FRS2: variants seen among roughly 807,000 people sequenced by gnomAD.
The protein encoded by FRS2 is FGFR signalling adaptor.
A neutral mutation model predicts 43.9 loss-of-function variants in FRS2; 8 were observed. The ratio of observed to expected loss-of-function variants is 0.18; its 90% CI spans 0.11 to 0.33. The LOEUF (loss-of-function observed/expected upper bound fraction) is 0.33, where lower values mean the gene tolerates loss of function less well. FRS2 is among the 10% of genes least tolerant of loss of function. FRS2 has a pLI of 1.00. For synonymous variants in FRS2, 219 were observed against 220.3 expected (o/e 0.99, Z 0.05); for missense variants, 534 against 627.6 (o/e 0.85, Z 1.59).
At chr12:69,556,966 G>A (rs962611353) in intron 3 of FRS2, among the ~76,000 whole-genome samples, 2 of 152,158 alleles carry the variant, frequency 1.3e-5, no homozygotes, top group African/African-American at 4.8e-5. Flanking sequence ...AAACATGAGT[G>A]TAATAGAAAA....
At chr12:69,521,237 T>G (rs1195714254) in intron 1 of FRS2, among the ~76,000 whole-genome samples, 6 of 152,210 alleles carry the variant, frequency 3.9e-5, no homozygotes, top group Non-Finnish European at 8.8e-5. Flanking sequence ...TGCTAGTGAT[T>G]TTAGTACATT....
intron 6 of FRS2, among the ~76,000 whole-genome samples, chr12:69,570,877 C>A (rs184872187): frequency 2.0e-5 from 3 of 152,276 alleles, no homozygotes; most frequent in Admixed American, 2.0e-4. Context: ...AATGGTAATA[C>A]CTATCTTTTA....
At chr12:69,501,222 C>G (rs551687131) in intron 1 of FRS2, among the ~76,000 whole-genome samples, 16 of 151,956 alleles carry the variant, frequency 1.1e-4, no homozygotes, top group African/African-American at 3.1e-4. Context: ...ACAACCTCCC[C>G]CCTCCCCCTT....
intron 1 of FRS2, among the ~76,000 whole-genome samples, chr12:69,497,246 A>G (rs1328426133): frequency 6.6e-6 from 1 of 152,220 alleles, no homozygotes; most frequent in Non-Finnish European, 1.5e-5. Context: ...GAGTTGGTGA[A>G]AGGGTTGGAA....
At chr12:69,568,252 T>G (rs1880456662) in intron 4 of FRS2, among the ~76,000 whole-genome samples, 1 of 152,238 alleles carries the variant, frequency 6.6e-6, no homozygotes, top group South Asian at 2.1e-4. Context: ...TGTCTTTCTC[T>G]CTTACCAATG....
At chr12:69,482,049 T>C (rs969564777) in intron 1 of FRS2, among the ~76,000 whole-genome samples, 19 of 151,774 alleles carry the variant, frequency 1.3e-4, no homozygotes, top group Admixed American at 4.6e-4. Flanking sequence ...TACCTTATAT[T>C]TGTATAGTGC....
chr12:69,507,883 G>T (rs892510356), intron 1 of FRS2, among the ~76,000 whole-genome samples: 6 of 151,964 alleles, frequency 3.9e-5, no homozygotes, highest in African/African-American at 7.2e-5. Flanking sequence ...AATTAACAGG[G>T]TGTGGTGGCA....
chr12:69,477,992 C>A (rs1222264852), intron 1 of FRS2, among the ~76,000 whole-genome samples: 1 of 151,900 alleles, frequency 6.6e-6, no homozygotes, highest in Admixed American at 6.6e-5. Context: ...CCGCCCACCT[C>A]GGCCTCCCAA....
intron 1 of FRS2, among the ~76,000 whole-genome samples, chr12:69,487,404 C>T (rs958131173): frequency 2.0e-5 from 3 of 152,210 alleles, no homozygotes; most frequent in African/African-American, 7.2e-5. Context: ...TAAATCTACT[C>T]TGTGCTTTAT....
At chr12:69,519,736 A>G (rs1875439227) in intron 1 of FRS2, among the ~76,000 whole-genome samples, 1 of 152,154 alleles carries the variant, frequency 6.6e-6, no homozygotes, top group Non-Finnish European at 1.5e-5. Flanking sequence ...AAAGGACATG[A>G]TCTTGTTCTT....
chr12:69,484,964 T>G lies in FRS2; in HGVS notation c.-261+14434T>G, dbSNP rs117629677. Among the ~76,000 whole-genome samples the G allele has an allele frequency of 1.5e-3, 235 of 152,092 alleles. 2 individuals carry two copies. The East Asian group carries it at 0.023, about 15-fold the overall frequency. ...GGTAACAACAGAAGACATCAAAACC[T>G]GCCAGGCATGGTGACATGCACCTGT... On this transcript the variant is annotated intron_variant, in intron 1 of 8. Coordinates refer to ENST00000549921, the MANE Select transcript of FRS2 (RefSeq NM_001278356.2).
At chr12:69,496,148 G>A (rs952452176) in intron 1 of FRS2, among the ~76,000 whole-genome samples, 4 of 152,046 alleles carry the variant, frequency 2.6e-5, no homozygotes, top group African/African-American at 9.7e-5. Context: ...CTTAAAGCTT[G>A]TAGTCTGGCC....
chr12:69,526,955 C>G (rs2135641942), intron 1 of FRS2, among the ~76,000 whole-genome samples: 1 of 152,238 alleles, frequency 6.6e-6, no homozygotes, highest in East Asian at 1.9e-4. Context: ...GATCTCCTGA[C>G]CTCGTGATCC....
Position 69,575,371 on chromosome 12 carries a change from A to G in FRS2, c.*416A>G, listed in dbSNP as rs1881120418. 6.1e-6 allele frequency: 1 copy of G among 163,322 alleles called. No homozygotes were observed. Among genetic ancestry groups the G allele is most frequent in the South Asian group, 1.8e-4 (1 of 5,420 alleles). 10.1% of individuals were successfully genotyped at this position (163,322 alleles called of 1,614,324 possible). A position where few individuals can be genotyped will look rare whatever the true frequency, so the allele number is the denominator to read the frequency against. On this transcript the variant is annotated 3_prime_UTR_variant, in exon 9 of 9. Transcript: ENST00000549921. ...CTTTGAAAGTAATGCTCGTAGATTC[A>G]GTGTTCACAGTATGTGGCCTCCAGC...
intron 3 of FRS2, among the ~76,000 whole-genome samples, chr12:69,546,412 C>T (rs1878414194): frequency 6.6e-6 from 1 of 151,998 alleles, no homozygotes; most frequent in Non-Finnish European, 1.5e-5. Context: ...TGTGCACCAC[C>T]ACACCTGGCT....
chr12:69,524,820 G>A (rs1876039499), intron 1 of FRS2, among the ~76,000 whole-genome samples: 3 of 152,114 alleles, frequency 2.0e-5, no homozygotes, highest in South Asian at 4.1e-4. Flanking sequence ...AAGTGTCCAT[G>A]GTGGCAGAGG....
chr12:69,472,615 G>A (rs1043266486), intron 1 of FRS2, among the ~76,000 whole-genome samples: 2 of 152,136 alleles, frequency 1.3e-5, no homozygotes, highest in Non-Finnish European at 2.9e-5. Context: ...ATCAGATACT[G>A]ATTGTATTTT....
chr12:69,521,279 T>C (rs1875614724), intron 1 of FRS2, among the ~76,000 whole-genome samples: 1 of 152,240 alleles, frequency 6.6e-6, no homozygotes, highest in African/African-American at 2.4e-5. Flanking sequence ...TGAAGTTGTT[T>C]ATCAGATCTA....
intron 3 of FRS2, among the ~76,000 whole-genome samples, chr12:69,550,725 T>C (rs1281497967): frequency 6.6e-6 from 1 of 152,228 alleles, no homozygotes. Context: ...TGAGCCATAC[T>C]GCACTTTCTA....
Sources: allele counts gnomAD v4.1 joint callset (sites outside exome capture counted in the v4.1 genomes callset), GRCh38; gene constraint gnomAD v4.1.1; transcripts MANE v1.5; gene names NCBI Gene and HGNC (gene_info 2026-07-23, HGNC 2026-07-21).